Variants in CDK13 observed in about 807,000 individuals in gnomAD.
CDK13 encodes cyclin dependent kinase 13.
In CDK13, 40 loss-of-function variants were observed where a neutral mutation model predicts 137.6. That is an observed-to-expected ratio of 0.29 (90% CI 0.23 to 0.38). The LOEUF is 0.38. CDK13 is among the 10% of genes least tolerant of loss of function. The pLI is 1.00. For missense variants in CDK13, 1,704 were observed against 1,951.8 expected, an observed-to-expected ratio of 0.87 and a Z score of 2.39; for synonymous variants, 869 against 760.1, an observed-to-expected ratio of 1.14 and a Z score of -2.36.
At chr7:39,980,401 A>G (rs1198637314) in intron 1 of CDK13, among the ~76,000 whole-genome samples, 1 of 152,256 alleles carries the variant, frequency 6.6e-6, no homozygotes, top group Non-Finnish European at 1.5e-5. Context: ...GATGAATTTA[A>G]GAGGCTACCA....
chr7:40,075,431 A>G (rs567255924), intron 9 of CDK13, among the ~76,000 whole-genome samples: 4 of 152,096 alleles, frequency 2.6e-5, no homozygotes, highest in Non-Finnish European at 5.9e-5. Flanking sequence ...TTTCAACATC[A>G]CATATGATAA....
At position 39,951,103 on chromosome 7, in the gene CDK13, G is replaced by A. The variant is rs1583892063; in HGVS notation, c.462G>A (p.Glu154=). The part of the protein sequence containing the change: ...VEYEDVSSQS[E]QGLLLGGASA... ...ACGAGGATGTGAGCTCCCAGTCCGA[G>A]CAGGGGCTGCTGCTGGGGGGGGCCA... is the stretch of plus-strand genomic sequence containing the variant. The change falls in exon 1 of 14, where the codon GAG becomes GAA. Residue 154 remains glutamate (E), a synonymous_variant. Transcript: ENST00000181839. The A allele has an allele frequency of 8.0e-7, 1 of 1,250,490 alleles. No homozygotes were observed. Among genetic ancestry groups the A allele is most frequent in the Non-Finnish European group, 1.0e-6 (1 of 998,712 alleles). 77.5% of individuals were successfully genotyped at this position (1,250,490 alleles called of 1,614,324 possible). A position where few individuals can be genotyped will look rare whatever the true frequency, so the allele number is the denominator to read the frequency against.
chr7:40,078,429 ACTGTT>A (rs1247550786), intron 10 of CDK13: 1 of 286,370 alleles, frequency 3.5e-6, no homozygotes, highest in Admixed American at 5.0e-5. Flanking sequence ...AAAAAACTAT[ACTGTT>A]CAGTTCTTAA....
intron 1 of CDK13, among the ~76,000 whole-genome samples, chr7:39,971,691 T>A (rs1057003074): frequency 1.3e-5 from 2 of 152,070 alleles, no homozygotes; most frequent in African/African-American, 4.8e-5. Flanking sequence ...GAGACCAGCC[T>A]GGCCAATATG....
At position 39,950,675 on chromosome 7, in the gene CDK13, G is replaced by A; in HGVS notation, c.34G>A (p.Gly12Ser). ...CAGCTCGGACACGGCGCTGGGGGGA[G>A]GCGGGGGCCTGAGCTGGGCGGAGAA... is the stretch of plus-strand genomic sequence containing the variant. The part of the protein sequence containing the change: ...PSSSDTALGG[G>S]GGLSWAEKKL... The change falls in exon 1 of 14, where the codon GGC becomes AGC. Residue 12 changes from glycine to serine, a missense_variant. By Grantham distance (56) the Gly-to-Ser change is moderately conservative. Coordinates refer to ENST00000181839, the MANE Select transcript of CDK13 (RefSeq NM_003718.5). 1 of 1,391,968 alleles carries A rather than the reference G, an allele frequency of 7.2e-7. No homozygotes were observed. Among genetic ancestry groups the A allele is most frequent in the Non-Finnish European group, 9.3e-7 (1 of 1,077,598 alleles). 86.2% of individuals were successfully genotyped at this position (1,391,968 alleles called of 1,614,324 possible). A position where few individuals can be genotyped will look rare whatever the true frequency, so the allele number is the denominator to read the frequency against.
chr7:40,032,227 T>C (rs1279646087), intron 5 of CDK13, among the ~76,000 whole-genome samples: 1 of 152,094 alleles, frequency 6.6e-6, no homozygotes, highest in Non-Finnish European at 1.5e-5. Flanking sequence ...TGGCTAATTT[T>C]TGTATGGTTT....
chr7:40,063,923 G>A (rs1458010733), intron 9 of CDK13, among the ~76,000 whole-genome samples: 1 of 151,964 alleles, frequency 6.6e-6, no homozygotes, highest in Non-Finnish European at 1.5e-5. Context: ...TTCTCCCAAA[G>A]TGCTGTGATT....
intron 6 of CDK13, among the ~76,000 whole-genome samples, 183 bp from the exon 7 acceptor site, chr7:40,047,638 G>A (rs896838106): frequency 4.0e-5 from 6 of 151,128 alleles, no homozygotes; most frequent in African/African-American, 1.5e-4. Flanking sequence ...TTACTTTCTT[G>A]TTTTGTGAAT....
chr7:40,036,517 A>T (rs902842538), intron 5 of CDK13, among the ~76,000 whole-genome samples: 3 of 152,192 alleles, frequency 2.0e-5, no homozygotes, highest in African/African-American at 4.8e-5. Flanking sequence ...GGCTGCAGTG[A>T]GTTGAGATCG....
At chr7:40,050,035 A>G (rs1785850044) in intron 7 of CDK13, among the ~76,000 whole-genome samples, 1 of 151,722 alleles carries the variant, frequency 6.6e-6, no homozygotes, top group Non-Finnish European at 1.5e-5. Flanking sequence ...GCTGGAGTGC[A>G]GTGGTGCAAT....
At chr7:40,020,213 G>A (rs1032610318) in intron 5 of CDK13, among the ~76,000 whole-genome samples, 1 of 151,980 alleles carries the variant, frequency 6.6e-6, no homozygotes, top group African/African-American at 2.4e-5. Context: ...GACTACAGGT[G>A]CATGCCACCA....
chr7:40,029,496 C>A (rs201409508), intron 5 of CDK13, among the ~76,000 whole-genome samples: 1 of 151,276 alleles, frequency 6.6e-6, no homozygotes, highest in South Asian at 2.1e-4. Context: ...CTGAGGTGGG[C>A]GGATCACAAG....
At chr7:39,961,452 C>A (rs1583910488) in intron 1 of CDK13, among the ~76,000 whole-genome samples, 2 of 152,214 alleles carry the variant, frequency 1.3e-5, no homozygotes, top group Middle Eastern at 3.4e-3. Flanking sequence ...TTTATTACTT[C>A]TGTCTATCTG....
chr7:40,092,732 G>A lies in CDK13; in HGVS notation c.3236-53G>A, dbSNP rs533184226. ...AATACAGAGCCATTTTGGTGTGGGA[G>A]TGGGAGGAGCTGTGAATTATGACAG... On this transcript the variant is annotated intron_variant, in intron 12 of 13. Transcript: ENST00000181839. The A allele has an allele frequency of 6.7e-6, 9 of 1,340,406 alleles. No individual in the cohort carries two copies. The East Asian group carries it at 6.9e-5, about 10-fold the overall frequency. The allele number at this position is 1,340,406 out of a possible 1,614,324, so 83.0% of individuals were successfully genotyped here.
intron 9 of CDK13, among the ~76,000 whole-genome samples, chr7:40,075,615 A>G (rs1786529769): frequency 6.6e-6 from 1 of 152,192 alleles, no homozygotes; most frequent in African/African-American, 2.4e-5. Context: ...AAAGAGGAGC[A>G]GATTCCTAAG....
chr7:40,008,391 A>T (rs1784835016), intron 5 of CDK13, among the ~76,000 whole-genome samples: 1 of 152,196 alleles, frequency 6.6e-6, no homozygotes, highest in Non-Finnish European at 1.5e-5. Context: ...AATACTGGGG[A>T]TATTAAACAA....
At chr7:39,963,016 C>T (rs10243877) in intron 1 of CDK13, among the ~76,000 whole-genome samples, 36 of 151,996 alleles carry the variant, frequency 2.4e-4, no homozygotes, top group African/African-American at 6.8e-4. Context: ...ATGCTGTTTT[C>T]GTTACTGTAG....
chr7:40,028,400 A>T (rs1337217693), intron 5 of CDK13, among the ~76,000 whole-genome samples: 2 of 151,724 alleles, frequency 1.3e-5, no homozygotes, highest in Admixed American at 6.6e-5. Flanking sequence ...TTGTATTTTT[A>T]GTAGAGACGA....
chr7:40,065,397 A>G (rs1584059680), intron 9 of CDK13, among the ~76,000 whole-genome samples: 1 of 152,130 alleles, frequency 6.6e-6, no homozygotes, highest in African/African-American at 2.4e-5. Flanking sequence ...CCTGGACCAC[A>G]CTGGAAGAAG....
Sources: gnomAD v4.1 joint callset for allele counts (sites outside exome capture counted in the v4.1 genomes callset) on GRCh38, gnomAD v4.1.1 for gene constraint, MANE v1.5 for transcripts, NCBI Gene and HGNC (gene_info 2026-07-23, HGNC 2026-07-21) for gene names.